ABCC11: variants seen among roughly 807,000 people sequenced by gnomAD.
ABCC11 encodes the protein ATP-binding cassette sub-family C member 11.
Under a neutral mutation model 149.3 loss-of-function variants are expected in ABCC11, and 135 were observed. The ratio of observed to expected loss-of-function variants is 0.90; its 90% CI spans 0.79 to 1.04. ABCC11 has a LOEUF of 1.04. Ranked by LOEUF, ABCC11 falls within the 50% of genes least tolerant of loss-of-function variation. ABCC11 has a pLI of 0.00. For synonymous variants in ABCC11, 665 were observed against 671.4 expected (o/e 0.99, Z 0.15); for missense variants, 1,680 against 1,722.1 (o/e 0.98, Z 0.43).
chr16:48,198,100 G>A (rs1383390588), intron 16 of ABCC11, 33 bp from the exon 17 acceptor site: 1 of 1,614,186 alleles, frequency 6.2e-7, no homozygotes, highest in South Asian at 1.1e-5. Context: ...GAGTACACGT[G>A]CGTCCACCGT....
Position 48,196,410 on chromosome 16 carries a change from C to A in ABCC11, c.2315-89G>T. The A allele has an allele frequency of 3.1e-6, 4 of 1,287,948 alleles. No individual in the cohort carries two copies. The South Asian group carries it at 5.1e-5, about 16-fold the overall frequency. 79.8% of individuals were successfully genotyped at this position (1,287,948 alleles called of 1,614,324 possible). ...GTCTCTGGCTTCGATCCTGTGCCAG[C>A]TTTTCACTTTCCAGCTTCAGTGCCC... is the stretch of plus-strand genomic sequence containing the variant. On this transcript the variant is annotated intron_variant, in intron 17 of 29. Transcript: ENST00000356608.
At chr16:48,222,984 T>C (rs1487285663) in intron 5 of ABCC11, among the ~76,000 whole-genome samples, 153 bp from the exon 6 acceptor site, 1 of 152,136 alleles carries the variant, frequency 6.6e-6, no homozygotes, top group Non-Finnish European at 1.5e-5. Flanking sequence ...CTCAAGAAGG[T>C]TAAGGTCCAG....
intron 12 of ABCC11, among the ~76,000 whole-genome samples, chr16:48,206,900 G>T (rs914265372): frequency 6.6e-6 from 1 of 152,164 alleles, no homozygotes; most frequent in African/African-American, 2.4e-5. Context: ...AAAATGGAAA[G>T]CTCTTTGCAC....
At chr16:48,216,456 T>C (rs1722169652) in intron 6 of ABCC11, among the ~76,000 whole-genome samples, 169 bp from the exon 7 acceptor site, 5 of 152,164 alleles carry the variant, frequency 3.3e-5, no homozygotes, top group Admixed American at 1.3e-4. Context: ...GCTGTGTGAC[T>C]CTCAACAAGT....
In ABCC11 at chr16:48,247,194, T is replaced by C. The variant is rs188406906; in HGVS notation, c.-19+120A>G. On this transcript the variant is annotated intron_variant, in intron 1 of 29. Transcript: ENST00000356608. ...GTTTCCAATGTCTTTTTTTCTCTAA[T>C]AGGGCCTTTAAAACACTCTACTTAA... 4.6e-5 allele frequency: 7 copies of C among 151,752 alleles called. No individual in the cohort carries two copies. The East Asian group carries it at 1.4e-3, about 29-fold the overall frequency. The allele number at this position is 151,752 out of a possible 1,614,324, so 9.4% of individuals were successfully genotyped here.
intron 1 of ABCC11, chr16:48,244,163 G>T (rs1971184277): frequency 2.2e-6 from 1 of 463,424 alleles, no homozygotes; most frequent in South Asian, 4.2e-5. Flanking sequence ...GTCGCTGCAC[G>T]CTTGAGTGCA....
intron 15 of ABCC11, 91 bp downstream of exon 15, chr16:48,200,185 A>T: frequency 7.4e-7 from 1 of 1,348,698 alleles, no homozygotes; most frequent in Non-Finnish European, 1.0e-6. Flanking sequence ...AGCTGCTGGG[A>T]GGCTGTTATT....
At chr16:48,175,237 G>T (rs1436828188) in intron 26 of ABCC11, 21 bp downstream of exon 26, 1 of 1,591,026 alleles carries the variant, frequency 6.3e-7, no homozygotes, top group Admixed American at 1.7e-5. Context: ...CCTGCAGGCT[G>T]CCTGCTGGCC....
At chr16:48,179,247 T>C (rs1320477497) in intron 23 of ABCC11, among the ~76,000 whole-genome samples, 1 of 152,208 alleles carries the variant, frequency 6.6e-6, no homozygotes, top group Non-Finnish European at 1.5e-5. Flanking sequence ...TCCTGGTTCC[T>C]GGGAGCACTT....
intron 4 of ABCC11, among the ~76,000 whole-genome samples, chr16:48,226,465 G>A (rs1030073479): frequency 6.6e-6 from 1 of 151,996 alleles, no homozygotes; most frequent in Non-Finnish European, 1.5e-5. Context: ...TTTTAGTAGA[G>A]ATGGGGTTTC....
chr16:48,176,771 C>A (rs1966101725), intron 25 of ABCC11, among the ~76,000 whole-genome samples, 153 bp downstream of exon 25: 1 of 152,216 alleles, frequency 6.6e-6, no homozygotes, highest in South Asian at 2.1e-4. Context: ...TTGGGTTTCG[C>A]TCACCAGTGT....
chr16:48,214,503 T>A (rs1227345625), intron 9 of ABCC11, among the ~76,000 whole-genome samples: 2 of 152,160 alleles, frequency 1.3e-5, no homozygotes, highest in African/African-American at 4.8e-5. Flanking sequence ...CAGGGCCAGG[T>A]TCCGACCACG....
At chr16:48,205,983 T>C (rs1367144284) in intron 12 of ABCC11, among the ~76,000 whole-genome samples, 11 of 152,184 alleles carry the variant, frequency 7.2e-5, no homozygotes, top group Non-Finnish European at 1.5e-4. Flanking sequence ...GCTAATTTTT[T>C]GTATTTTTAG....
Position 48,206,886 on chromosome 16 carries a change from G to T in ABCC11, c.1681-1349C>A, listed in dbSNP as rs1185521276. ...GTCATGGGAGGTTACCAGAGTTAAA[G>T]GGGAAAATGGAAAGCTCTTTGCACA... On this transcript the variant is annotated intron_variant, in intron 12 of 29. Coordinates refer to ENST00000356608, the MANE Select transcript of ABCC11 (RefSeq NM_001370497.1). Among the ~76,000 whole-genome samples the T allele has an allele frequency of 5.9e-5, 9 of 152,210 alleles. No homozygotes were observed. In the East Asian group the frequency reaches 1.7e-3, roughly 29 times the overall value.
intron 24 of ABCC11, among the ~76,000 whole-genome samples, chr16:48,178,073 T>C (rs1966200239): frequency 6.6e-6 from 1 of 152,222 alleles, no homozygotes. Flanking sequence ...GGTCAGGCAG[T>C]GTGCTATGTG....
At chr16:48,246,643 C>G (rs1287123685) in intron 1 of ABCC11, among the ~76,000 whole-genome samples, 1 of 152,124 alleles carries the variant, frequency 6.6e-6, no homozygotes, top group African/African-American at 2.4e-5. Flanking sequence ...TGATCGTAGC[C>G]CACCGCAACC....
chr16:48,181,854 C>G (rs1966456704), intron 23 of ABCC11, among the ~76,000 whole-genome samples: 1 of 152,242 alleles, frequency 6.6e-6, no homozygotes, highest in Admixed American at 6.5e-5. Flanking sequence ...ACCTCGTGAT[C>G]CACCCACCTT....
chr16:48,236,662 G>A (rs767572830), intron 1 of ABCC11, among the ~76,000 whole-genome samples: 9 of 152,146 alleles, frequency 5.9e-5, no homozygotes, highest in Non-Finnish European at 7.3e-5. Context: ...ACACAGTCAC[G>A]AAAGACTTCA....
At chr16:48,204,068 T>C (rs1968231643) in intron 13 of ABCC11, among the ~76,000 whole-genome samples, 1 of 152,274 alleles carries the variant, frequency 6.6e-6, no homozygotes, top group South Asian at 2.1e-4. Context: ...TCTACTCTTT[T>C]GCTCCTGTGA....
Sources: allele counts gnomAD v4.1 joint callset (sites outside exome capture counted in the v4.1 genomes callset), GRCh38; gene constraint gnomAD v4.1.1; transcripts MANE v1.5; gene names NCBI Gene and HGNC (gene_info 2026-07-23, HGNC 2026-07-21).